The following ARID5B variants were observed in gnomAD, a reference collection of about 807,000 sequenced individuals.
ARID5B encodes AT-rich interaction domain 5B, also known as AT-rich interactive domain-containing protein 5B.
In ARID5B, 13 loss-of-function variants were observed where a neutral mutation model predicts 97.2. That is an observed-to-expected ratio of 0.13 (90% confidence interval 0.09 to 0.21). The LOEUF (loss-of-function observed/expected upper bound fraction) is 0.21, where lower values mean the gene tolerates loss of function less well. Ranked by LOEUF, ARID5B falls within the 10% of genes least tolerant of loss-of-function variation. The pLI is 1.00. For synonymous variants in ARID5B, 556 were observed against 570.3 expected, an observed-to-expected ratio of 0.97 and a Z score of 0.36; for missense variants, 1,210 against 1,465.3, an observed-to-expected ratio of 0.83 and a Z score of 2.84.
chr10:62,067,440 G>A (rs1187927876), intron 7 of ARID5B, among the ~76,000 whole-genome samples: 1 of 152,218 alleles, frequency 6.6e-6, no homozygotes, highest in Non-Finnish European at 1.5e-5. Context: ...TGCTTTGAGA[G>A]TAAAACCTCA....
intron 4 of ARID5B, among the ~76,000 whole-genome samples, chr10:62,013,149 C>T (rs992293454): frequency 6.6e-6 from 1 of 152,016 alleles, no homozygotes; most frequent in Non-Finnish European, 1.5e-5. Context: ...CAAAGCACAA[C>T]AGGAAAAAAT....
chr10:62,086,255 G>T (rs979620951), intron 9 of ARID5B, among the ~76,000 whole-genome samples: 1 of 152,176 alleles, frequency 6.6e-6, no homozygotes, highest in African/African-American at 2.4e-5. Flanking sequence ...CTTCTTGGCC[G>T]CTCCACAGCC....
At chr10:61,909,331 T>TG (rs1223380787) in intron 2 of ARID5B, among the ~76,000 whole-genome samples, 17 of 141,360 alleles carry the variant, frequency 1.2e-4, no homozygotes, top group African/African-American at 3.7e-4. Flanking sequence ...TTTTTTTTTT[T>TG]TTTTTTTTTT....
intron 8 of ARID5B, among the ~76,000 whole-genome samples, chr10:62,077,255 T>C (rs1390638794): frequency 1.3e-5 from 2 of 152,166 alleles, no homozygotes; most frequent in African/African-American, 4.8e-5. Flanking sequence ...CTGATAACTT[T>C]CCAATGCCTG....
Position 62,090,967 on chromosome 10 carries a change from G to A in ARID5B, c.1504G>A (p.Glu502Lys). ...GAAGAAAAAAATAGAAGGGTATCAG[G>A]AATTTTCAGCGAAGCCCCTGGCATC... ...DMKKKIEGYQ[E>K]FSAKPLASRV... Residue 502 changes from glutamate to lysine, a missense_variant, in exon 10 of 10, where the codon GAA becomes AAA. Transcript: ENST00000279873. 6.2e-7 allele frequency: 1 copy of A among 1,614,170 alleles called. No homozygotes were observed. The highest frequency in any genetic ancestry group is 8.5e-7 in the Non-Finnish European group (1 of 1,180,038).
intron 4 of ARID5B, among the ~76,000 whole-genome samples, chr10:62,027,672 A>G (rs1174614871): frequency 6.6e-6 from 1 of 151,824 alleles, no homozygotes; most frequent in Non-Finnish European, 1.5e-5. Context: ...GGCAGTATGC[A>G]CCTTTTTTAA....
chr10:61,927,331 A>G (rs1844125159), intron 2 of ARID5B, among the ~76,000 whole-genome samples: 1 of 152,172 alleles, frequency 6.6e-6, no homozygotes, highest in Non-Finnish European at 1.5e-5. Context: ...AAGTCCAAGA[A>G]TAACATAGAC....
chr10:62,022,541 C>T (rs1250517986), intron 4 of ARID5B, among the ~76,000 whole-genome samples: 1 of 152,200 alleles, frequency 6.6e-6, no homozygotes, highest in Non-Finnish European at 1.5e-5. Flanking sequence ...CTCCATCTCA[C>T]TTTGCTGTGT....
intron 8 of ARID5B, among the ~76,000 whole-genome samples, chr10:62,076,561 C>CAA (rs11363274): frequency 1.1e-4 from 10 of 92,676 alleles, no homozygotes; most frequent in South Asian, 4.2e-4. Context: ...GACTCTGTCT[C>CAA]AAAAAAAAAA....
At position 62,096,431 on chromosome 10, in the gene ARID5B, G is replaced by A. The variant is rs1224922911; in HGVS notation, c.*3401G>A. The A allele has an allele frequency of 8.6e-6, 2 of 233,412 alleles. No individual in the cohort carries two copies. The highest frequency in any genetic ancestry group is 1.7e-5 in the Non-Finnish European group (2 of 118,006). 14.5% of individuals were successfully genotyped at this position (233,412 alleles called of 1,614,324 possible). On this transcript the variant is annotated 3_prime_UTR_variant, in exon 10 of 10. Transcript: ENST00000279873. Reference sequence around the variant, plus strand: ...GTTTTACTCTTGTCCCAATTTTAAAGAGAAATGGGAATGAGTTTGCCCTGG... The same window carrying A: ...GTTTTACTCTTGTCCCAATTTTAAAAAGAAATGGGAATGAGTTTGCCCTGG...
At chr10:62,032,009 G>T (rs1212263354) in intron 4 of ARID5B, among the ~76,000 whole-genome samples, 1 of 152,154 alleles carries the variant, frequency 6.6e-6, no homozygotes, top group African/African-American at 2.4e-5. Flanking sequence ...CTGAGGCCTG[G>T]TAATAAGGAT....
At chr10:61,918,981 A>G (rs1383638722) in intron 2 of ARID5B, among the ~76,000 whole-genome samples, 1 of 148,272 alleles carries the variant, frequency 6.7e-6, no homozygotes, top group Admixed American at 6.8e-5. Context: ...TTGCAGTGAG[A>G]CGAGATTGTG....
intron 3 of ARID5B, among the ~76,000 whole-genome samples, chr10:61,967,028 T>C (rs975010698): frequency 3.3e-5 from 5 of 152,142 alleles, no homozygotes; most frequent in Non-Finnish European, 7.4e-5. Context: ...CCGGGCCTTT[T>C]TTTCCCCCAG....
intron 3 of ARID5B, among the ~76,000 whole-genome samples, chr10:61,999,562 C>G (rs984515167): frequency 6.6e-6 from 1 of 152,188 alleles, no homozygotes; most frequent in Non-Finnish European, 1.5e-5. Flanking sequence ...GAGTGTCCTA[C>G]TGCATATCAC....
chr10:61,904,277 G>A (rs36082697), intron 2 of ARID5B, among the ~76,000 whole-genome samples: 1 of 151,784 alleles, frequency 6.6e-6, no homozygotes, highest in Admixed American at 6.6e-5. Flanking sequence ...ACTCTTTTTT[G>A]GGGGGCGGGG....
intron 3 of ARID5B, among the ~76,000 whole-genome samples, chr10:61,996,613 C>T (rs1248235562): frequency 6.6e-6 from 1 of 152,036 alleles, no homozygotes; most frequent in Non-Finnish European, 1.5e-5. Flanking sequence ...TTGTGAGGAA[C>T]AAAAGAGACG....
intron 3 of ARID5B, among the ~76,000 whole-genome samples, chr10:61,971,841 A>G (rs934572490): frequency 6.6e-6 from 1 of 152,204 alleles, no homozygotes; most frequent in African/African-American, 2.4e-5. Context: ...AATTGAATAT[A>G]TATTGGATTG....
At chr10:61,970,367 C>T (rs1277735206) in intron 3 of ARID5B, among the ~76,000 whole-genome samples, 1 of 152,178 alleles carries the variant, frequency 6.6e-6, no homozygotes, top group African/African-American at 2.4e-5. Flanking sequence ...AAGGTGAATT[C>T]CAGTTGGGTA....
At chr10:62,039,770 C>G (rs1839611485) in intron 4 of ARID5B, among the ~76,000 whole-genome samples, 1 of 152,172 alleles carries the variant, frequency 6.6e-6, no homozygotes, top group Non-Finnish European at 1.5e-5. Context: ...TTGTTCTGTT[C>G]AACTTTTCTG....
Sources: gnomAD v4.1 joint callset for allele counts (sites outside exome capture counted in the v4.1 genomes callset) on GRCh38, gnomAD v4.1.1 for gene constraint, MANE v1.5 for transcripts, NCBI Gene and HGNC (gene_info 2026-07-23, HGNC 2026-07-21) for gene names.